The following ELF2 variants were observed in gnomAD, a reference collection of about 807,000 sequenced individuals.
ELF2 encodes ETS-related transcription factor Elf-2.
A neutral mutation model predicts 54.8 loss-of-function variants in ELF2; 11 were observed. That is an observed-to-expected ratio of 0.20 (90% CI 0.13 to 0.33). The LOEUF (loss-of-function observed/expected upper bound fraction) is 0.33, where lower values mean the gene tolerates loss of function less well. Among genes scored for constraint, ELF2 ranks in the 10% least tolerant of loss-of-function variants. ELF2 has a pLI of 1.00. For missense variants in ELF2, 513 were observed against 703.0 expected (o/e 0.73, Z 3.06); for synonymous variants, 203 against 245.1 (o/e 0.83, Z 1.61).
intron 1 of ELF2, among the ~76,000 whole-genome samples, chr4:139,163,735 GA>G (rs1412103212): frequency 2.0e-5 from 3 of 152,042 alleles, no homozygotes; most frequent in African/African-American, 7.3e-5. Flanking sequence ...TCAACACAAT[GA>G]AACCCCGTCT....
intron 4 of ELF2, chr4:139,084,201 G>A: frequency 6.2e-7 from 1 of 1,613,204 alleles, no homozygotes; most frequent in Non-Finnish European, 8.5e-7. Flanking sequence ...GTTTATCCCG[G>A]GGCTGGAGCT....
chr4:139,148,657 T>A (rs1739525251), intron 1 of ELF2, among the ~76,000 whole-genome samples: 1 of 144,480 alleles, frequency 6.9e-6, no homozygotes, highest in South Asian at 2.1e-4. Context: ...TGTTTCTACT[T>A]TTTTTTTTTT....
At chr4:139,113,133 GA>G (rs1258519050) in intron 4 of ELF2, among the ~76,000 whole-genome samples, 1 of 152,146 alleles carries the variant, frequency 6.6e-6, no homozygotes, top group African/African-American at 2.4e-5. Context: ...CAAGGTGGGA[GA>G]ATTGCTTGAG....
intron 4 of ELF2, among the ~76,000 whole-genome samples, chr4:139,077,234 C>G (rs1730436134): frequency 6.6e-6 from 1 of 152,088 alleles, no homozygotes; most frequent in Admixed American, 6.6e-5. Context: ...TGGAACATCC[C>G]AAATCTAAAA....
In ELF2 at chr4:139,139,982, C is replaced by T. The variant is rs917181669; in HGVS notation, c.-251-485G>A. ...CTCACTCTTGTCACCAAGGCTGGAT[C>T]GCAGTGGTGAGATCACGGCTCACTG... On this transcript the variant is annotated intron_variant, in intron 1 of 9. Transcript: ENST00000686138. Among the ~76,000 whole-genome samples, 4 of 152,234 alleles carry T rather than the reference C, an allele frequency of 2.6e-5. No individual in the cohort carries two copies. In the South Asian group the frequency reaches 8.3e-4, roughly 32 times the overall value.
chr4:139,171,735 C>A (rs1742332774), intron 1 of ELF2, among the ~76,000 whole-genome samples: 1 of 152,084 alleles, frequency 6.6e-6, no homozygotes. Context: ...CCAGCCTGGG[C>A]AACATGGTGA....
chr4:139,079,239 TTAAAA>T (rs1176193135), intron 4 of ELF2, among the ~76,000 whole-genome samples: 1 of 152,134 alleles, frequency 6.6e-6, no homozygotes, highest in Non-Finnish European at 1.5e-5. Flanking sequence ...CAAAAATAAC[TTAAAA>T]TAAAAAACAA....
chr4:139,140,307 G>C (rs1024136099), intron 1 of ELF2, among the ~76,000 whole-genome samples: 1 of 152,102 alleles, frequency 6.6e-6, no homozygotes, highest in Admixed American at 6.5e-5. Context: ...TCCTCAAATA[G>C]TCCGCCTTCT....
intron 4 of ELF2, among the ~76,000 whole-genome samples, chr4:139,075,520 C>CT (rs1730181995): frequency 6.6e-6 from 1 of 152,194 alleles, no homozygotes; most frequent in African/African-American, 2.4e-5. Flanking sequence ...ACCTCCACCT[C>CT]TCAGGTTCAA....
intron 1 of ELF2, among the ~76,000 whole-genome samples, chr4:139,176,414 C>T (rs1477868152): frequency 6.6e-6 from 1 of 151,984 alleles, no homozygotes; most frequent in African/African-American, 2.4e-5. Context: ...CCCGCCTGCC[C>T]GCCACCCAGA....
intron 4 of ELF2, among the ~76,000 whole-genome samples, chr4:139,082,127 T>C (rs950548525): frequency 1.3e-5 from 2 of 152,162 alleles, no homozygotes; most frequent in African/African-American, 2.4e-5. Flanking sequence ...AAAAATAGTT[T>C]CCAATGGCAA....
chr4:139,081,253 C>T (rs1731071523), intron 4 of ELF2, among the ~76,000 whole-genome samples: 1 of 152,090 alleles, frequency 6.6e-6, no homozygotes, highest in Admixed American at 6.6e-5. Flanking sequence ...TTATTTATTT[C>T]ATCCTTTACT....
At chr4:139,092,260 C>T (rs1332748727) in intron 4 of ELF2, among the ~76,000 whole-genome samples, 4 of 151,446 alleles carry the variant, frequency 2.6e-5, no homozygotes, top group African/African-American at 9.7e-5. Context: ...ATTTGGGAGG[C>T]AGAGGCAGGA....
At chr4:139,094,168 G>A (rs1402958074) in intron 4 of ELF2, among the ~76,000 whole-genome samples, 1 of 152,006 alleles carries the variant, frequency 6.6e-6, no homozygotes, top group African/African-American at 2.4e-5. Flanking sequence ...CAAAGTGCTG[G>A]GATTACAGGC....
chr4:139,166,836 C>A lies in ELF2; in HGVS notation c.-252+10131G>T, dbSNP rs1022311985. Among the ~76,000 whole-genome samples, 6 of 152,192 alleles carry A rather than the reference C, an allele frequency of 3.9e-5. No individual in the cohort carries two copies. In the East Asian group the frequency reaches 1.2e-3, roughly 29 times the overall value. ...TGAGCCGAGATGGTGCCACTGCACT[C>A]CAGCCTGGGCGAGAGTGTGAGACTC... is the stretch of plus-strand genomic sequence containing the variant. On this transcript the variant is annotated intron_variant, in intron 1 of 9. Coordinates refer to ENST00000686138, the MANE Select transcript of ELF2 (RefSeq NM_001331036.3).
At chr4:139,156,237 G>A (rs1340055781) in intron 1 of ELF2, among the ~76,000 whole-genome samples, 5 of 152,008 alleles carry the variant, frequency 3.3e-5, no homozygotes, top group Non-Finnish European at 5.9e-5. Context: ...GTGCAGTGGC[G>A]CGATCTCAGC....
intron 4 of ELF2, among the ~76,000 whole-genome samples, chr4:139,121,299 G>T (rs1040312124): frequency 6.6e-6 from 1 of 150,574 alleles, no homozygotes; most frequent in Admixed American, 6.6e-5. Flanking sequence ...TAGTAGAGAC[G>T]GGGTTTCACC....
intron 1 of ELF2, among the ~76,000 whole-genome samples, chr4:139,147,487 G>T (rs566859329): frequency 6.6e-6 from 1 of 151,766 alleles, no homozygotes; most frequent in African/African-American, 2.4e-5. Context: ...ATTTTTTTTT[G>T]TTAAGACAGT....
chr4:139,129,527 T>A (rs1737280991), intron 3 of ELF2, among the ~76,000 whole-genome samples: 2 of 152,208 alleles, frequency 1.3e-5, no homozygotes, highest in East Asian at 1.9e-4. Context: ...GCTTAACATG[T>A]CTAAATGGCA....
Sources: allele counts gnomAD v4.1 joint callset (sites outside exome capture counted in the v4.1 genomes callset), GRCh38; gene constraint gnomAD v4.1.1; transcripts MANE v1.5; gene names NCBI Gene and HGNC (gene_info 2026-07-23, HGNC 2026-07-21).